The following GMDS variants were observed in gnomAD, a reference collection of about 807,000 sequenced individuals.
The protein encoded by GMDS is GDP-mannose 4,6 dehydratase.
A neutral mutation model predicts 49.9 loss-of-function variants in GMDS; 20 were observed. The observed-to-expected ratio is 0.40, with a 90% confidence interval of 0.28 to 0.58. The LOEUF (loss-of-function observed/expected upper bound fraction) is 0.58. GMDS is among the 20% of genes least tolerant of loss of function. GMDS has a pLI of 0.42. For synonymous variants in GMDS, 177 were observed against 178.6 expected (o/e 0.99, Z 0.07); for missense variants, 362 against 481.4 (o/e 0.75, Z 2.32).
intron 7 of GMDS, among the ~76,000 whole-genome samples, chr6:1,883,465 T>C (rs990200672): frequency 6.6e-6 from 1 of 152,218 alleles, no homozygotes; most frequent in African/African-American, 2.4e-5. Context: ...TATACATTGA[T>C]TAATGGATTT....
intron 7 of GMDS, among the ~76,000 whole-genome samples, chr6:1,762,615 C>T (rs1768203187): frequency 6.6e-6 from 1 of 152,236 alleles, no homozygotes; most frequent in South Asian, 2.1e-4. Flanking sequence ...CAGCCTCCAA[C>T]CTAAGAGAAA....
chr6:1,901,211 C>T lies in GMDS; in HGVS notation c.771+28892G>A, dbSNP rs191479806. 1.6e-3 allele frequency among the ~76,000 whole-genome samples: 238 copies of T among 152,296 alleles called. 1 individual carries two copies. Among genetic ancestry groups the T allele is most frequent in the African/African-American group, 5.5e-3 (229 of 41,572 alleles). The stretch of plus-strand genomic sequence containing the variant: ...AGTCGCCACATGGTGCCCAATATTC[C>T]GGGCTACAGAGATGGCCTGTGCTAA... On this transcript the variant is annotated intron_variant, in intron 7 of 10. Transcript: ENST00000380815.
chr6:1,988,843 T>C (rs1281474889), intron 4 of GMDS, among the ~76,000 whole-genome samples: 1 of 151,186 alleles, frequency 6.6e-6, no homozygotes, highest in Non-Finnish European at 1.5e-5. Context: ...ATAAATGGTT[T>C]GGAAAAAAAC....
chr6:2,024,471 A>T, intron 4 of GMDS, among the ~76,000 whole-genome samples: 1 of 152,178 alleles, frequency 6.6e-6, no homozygotes, highest in East Asian at 1.9e-4. Flanking sequence ...AACAAGAGAG[A>T]ATGAAATTAC....
chr6:2,180,035 G>A (rs1778450573), intron 1 of GMDS, among the ~76,000 whole-genome samples: 1 of 152,156 alleles, frequency 6.6e-6, no homozygotes, highest in Non-Finnish European at 1.5e-5. Context: ...GTTAACTGCA[G>A]GTGGACTGAC....
At chr6:1,673,282 T>A (rs1239244712) in intron 9 of GMDS, among the ~76,000 whole-genome samples, 1 of 151,996 alleles carries the variant, frequency 6.6e-6, no homozygotes, top group Non-Finnish European at 1.5e-5. Context: ...CCACATCCAT[T>A]CCCCTCCATC....
intron 9 of GMDS, among the ~76,000 whole-genome samples, chr6:1,701,173 G>A (rs887806368): frequency 4.6e-5 from 7 of 152,004 alleles, no homozygotes; most frequent in African/African-American, 9.7e-5. Flanking sequence ...TTCCCTTAGC[G>A]TGGAGTACAT....
chr6:2,145,489 C>T (rs1776507813), intron 1 of GMDS, among the ~76,000 whole-genome samples: 1 of 151,846 alleles, frequency 6.6e-6, no homozygotes, highest in African/African-American at 2.4e-5. Flanking sequence ...AGTGAGCTGG[C>T]ACGGTGCCAC....
Position 1,930,093 on chromosome 6 carries a change from C to A in GMDS, c.771+10G>T, listed in dbSNP as rs1294324738. 1 of 1,602,868 alleles carries A rather than the reference C, an allele frequency of 6.2e-7. No individual in the cohort carries two copies. The highest frequency in any genetic ancestry group is 1.7e-5 in the Admixed American group (1 of 58,832). On this transcript the variant is annotated intron_variant, in intron 7 of 10. Coordinates refer to ENST00000380815, the MANE Select transcript of GMDS (RefSeq NM_001500.4). ...GGGTATTTTCAAGAATGTAATGTGTCAGTTCCTACCTCCACATAGTCCTTG... is the reference window on the plus strand; with the variant it reads ...GGGTATTTTCAAGAATGTAATGTGTAAGTTCCTACCTCCACATAGTCCTTG...
At chr6:1,906,652 A>AC (rs1052544315) in intron 7 of GMDS, among the ~76,000 whole-genome samples, 2 of 152,176 alleles carry the variant, frequency 1.3e-5, no homozygotes, top group African/African-American at 2.4e-5. Context: ...CTGGCCATTC[A>AC]CAAGACCTGT....
At chr6:1,724,870 G>C (rs1241947718) in intron 9 of GMDS, among the ~76,000 whole-genome samples, 1 of 152,110 alleles carries the variant, frequency 6.6e-6, no homozygotes, top group Non-Finnish European at 1.5e-5. Flanking sequence ...TCAGAGCCCC[G>C]GCCACGCCCT....
At chr6:1,905,460 C>T (rs1233469534) in intron 7 of GMDS, among the ~76,000 whole-genome samples, 1 of 140,054 alleles carries the variant, frequency 7.1e-6, no homozygotes, top group African/African-American at 2.8e-5. Context: ...TGGGTGCTGG[C>T]GTGTAGGTGG....
intron 8 of GMDS, among the ~76,000 whole-genome samples, chr6:1,732,889 G>T (rs1428345153): frequency 6.6e-6 from 1 of 152,162 alleles, no homozygotes; most frequent in Non-Finnish European, 1.5e-5. Flanking sequence ...AGGGAAAAAA[G>T]AATTACAAAT....
At chr6:2,103,903 CT>C (rs1183654316) in intron 4 of GMDS, among the ~76,000 whole-genome samples, 15 of 152,188 alleles carry the variant, frequency 9.9e-5, no homozygotes, top group Non-Finnish European at 1.6e-4. Context: ...TATATTTGTG[CT>C]TGTGCACTTA....
chr6:2,197,607 C>T (rs564863718), intron 1 of GMDS, among the ~76,000 whole-genome samples: 2 of 152,314 alleles, frequency 1.3e-5, no homozygotes, highest in East Asian at 1.9e-4. Context: ...GAAGCTCTGG[C>T]TTTGCTGTGA....
chr6:2,213,495 C>A (rs1409279889), intron 1 of GMDS, among the ~76,000 whole-genome samples: 2 of 152,010 alleles, frequency 1.3e-5, no homozygotes, highest in East Asian at 1.9e-4. Flanking sequence ...AAAAGGAGAG[C>A]AAATAAAATA....
rs1395784666 is a variant in GMDS at position 1,652,655 on chromosome 6, TTATATATAA to T, written c.988-28124_988-28116del. On this transcript the variant is annotated intron_variant, in intron 9 of 10. Coordinates refer to ENST00000380815, the MANE Select transcript of GMDS (RefSeq NM_001500.4). ...ATATAATATATATAATATATATTAT[TTATATATAA>T]TATATATAATATATATTATTTATAT... 2.2e-3 allele frequency among the ~76,000 whole-genome samples: 7 copies of T among 3,126 alleles called. 3 individuals are homozygous for T. The highest frequency in any genetic ancestry group is 4.4e-3 in the African/African-American group (5 of 1,136). The allele number at this position is 3,126 out of a possible 152,430, so 2.1% of individuals were successfully genotyped here. A position where few individuals can be genotyped will look rare whatever the true frequency, so the allele number is the denominator to read the frequency against.
At chr6:2,232,706 G>A (rs560389129) in intron 1 of GMDS, among the ~76,000 whole-genome samples, 1 of 152,262 alleles carries the variant, frequency 6.6e-6, no homozygotes, top group South Asian at 2.1e-4. Flanking sequence ...ATCACGCTGC[G>A]GAACAGCTCT....
At chr6:2,133,040 G>C (rs1050875799) in intron 1 of GMDS, among the ~76,000 whole-genome samples, 2 of 152,124 alleles carry the variant, frequency 1.3e-5, no homozygotes, top group African/African-American at 4.8e-5. Flanking sequence ...ATCTCTCAAA[G>C]TGACAGGCCA....
Sources: gnomAD v4.1 joint callset for allele counts (sites outside exome capture counted in the v4.1 genomes callset) on GRCh38, gnomAD v4.1.1 for gene constraint, MANE v1.5 for transcripts, NCBI Gene and HGNC (gene_info 2026-07-23, HGNC 2026-07-21) for gene names.